The following SLC4A10 variants were observed in gnomAD, a reference collection of about 807,000 sequenced individuals.
The protein encoded by SLC4A10 is solute carrier family 4 member 10, also known as sodium-driven chloride bicarbonate exchanger.
In SLC4A10, 42 loss-of-function variants were observed where a neutral mutation model predicts 137.7. The ratio of observed to expected loss-of-function variants is 0.30; its 90% confidence interval spans 0.24 to 0.39. The LOEUF (loss-of-function observed/expected upper bound fraction) is 0.39, where lower values mean the gene tolerates loss of function less well. SLC4A10 is among the 10% of genes least tolerant of loss of function. SLC4A10 has a pLI of 1.00. For synonymous variants in SLC4A10, 474 were observed against 464.1 expected, an observed-to-expected ratio of 1.02 and a Z score of -0.27; for missense variants, 925 against 1,355.0, an observed-to-expected ratio of 0.68 and a Z score of 4.98.
chr2:161,949,884 G>C (rs983958599), intron 18 of SLC4A10, among the ~76,000 whole-genome samples: 12 of 151,756 alleles, frequency 7.9e-5, no homozygotes, highest in African/African-American at 2.9e-4. Context: ...CATGATGTGA[G>C]GTGTGAATTT....
rs1553629954 is a variant in SLC4A10, at chr2:161,930,904, T to TTTTTTTTTTG, written c.1998-11884_1998-11883insTTTTTGTTTT. 1.4e-4 allele frequency among the ~76,000 whole-genome samples: 20 copies of TTTTTTTTTTG among 148,060 alleles called. 1 individual carries two copies. Among genetic ancestry groups the TTTTTTTTTTG allele is most frequent in the Admixed American group, 1.0e-3 (15 of 14,852 alleles). On this transcript the variant is annotated intron_variant, in intron 15 of 26. Transcript: ENST00000446997. ...AATCTTCATCTCATTCTGCCACATG[T>TTTTTTTTTTG]TTTTGTTTTGTTTTGTTTTGTTTTG...
chr2:161,837,713 A>T (rs2058905948), intron 3 of SLC4A10, among the ~76,000 whole-genome samples: 1 of 152,218 alleles, frequency 6.6e-6, no homozygotes, highest in African/African-American at 2.4e-5. Flanking sequence ...TATAGTAATC[A>T]AAAAAGTGTG....
chr2:161,851,967 C>A (rs1476292075), intron 4 of SLC4A10, among the ~76,000 whole-genome samples: 1 of 152,098 alleles, frequency 6.6e-6, no homozygotes, highest in Non-Finnish European at 1.5e-5. Context: ...ATGGCTCACT[C>A]CAGCCTCGAT....
intron 1 of SLC4A10, among the ~76,000 whole-genome samples, chr2:161,672,144 T>G (rs2039798490): frequency 6.6e-6 from 1 of 152,146 alleles, no homozygotes; most frequent in Non-Finnish European, 1.5e-5. Flanking sequence ...ATCAGTTCAT[T>G]AAAGACCTGG....
chr2:161,742,501 G>A (rs1256899674), intron 1 of SLC4A10, among the ~76,000 whole-genome samples: 2 of 137,874 alleles, frequency 1.5e-5, no homozygotes, highest in East Asian at 2.2e-4. Flanking sequence ...GAGTGCAGTC[G>A]CTGATTTCGG....
intron 24 of SLC4A10, among the ~76,000 whole-genome samples, 190 bp downstream of exon 24, chr2:161,974,506 A>G (rs1349669162): frequency 6.6e-6 from 1 of 152,180 alleles, no homozygotes. Context: ...ACTATAATCA[A>G]ATTGCATTAA....
chr2:161,976,620 T>C, intron 24 of SLC4A10, 140 bp from the exon 25 acceptor site: 4 of 488,372 alleles, frequency 8.2e-6, no homozygotes, highest in Middle Eastern at 4.1e-4. Flanking sequence ...TTTTATGTTA[T>C]GTGTATTTTA....
At chr2:161,874,119 G>T in intron 8 of SLC4A10, 114 bp downstream of exon 8, 4 of 1,098,178 alleles carry the variant, frequency 3.6e-6, no homozygotes, top group Non-Finnish European at 5.2e-6. Context: ...GCCACTCTAA[G>T]AACTATCTTT....
chr2:161,976,174 A>C (rs1443505586), intron 24 of SLC4A10, among the ~76,000 whole-genome samples: 2 of 152,254 alleles, frequency 1.3e-5, no homozygotes, highest in Admixed American at 6.5e-5. Context: ...TGTTTTCAAT[A>C]ATTGAGAGAA....
intron 1 of SLC4A10, among the ~76,000 whole-genome samples, chr2:161,706,627 T>G (rs1666095141): frequency 6.6e-6 from 1 of 151,560 alleles, no homozygotes; most frequent in Admixed American, 6.6e-5. Flanking sequence ...TAAACCTGAT[T>G]ATGCTGACAG....
At chr2:161,826,810 A>G (rs1010981196) in intron 3 of SLC4A10, among the ~76,000 whole-genome samples, 8 of 152,226 alleles carry the variant, frequency 5.3e-5, no homozygotes, top group African/African-American at 1.9e-4. Context: ...TGATTATAAC[A>G]GTAATAAATG....
chr2:161,825,603 C>T (rs2057964667), intron 3 of SLC4A10, among the ~76,000 whole-genome samples: 1 of 152,150 alleles, frequency 6.6e-6, no homozygotes, highest in South Asian at 2.1e-4. Flanking sequence ...CTCCCCGCTC[C>T]CCTCTCATGT....
intron 15 of SLC4A10, among the ~76,000 whole-genome samples, chr2:161,928,743 C>T (rs1004378957): frequency 1.3e-5 from 2 of 148,564 alleles, no homozygotes; most frequent in Admixed American, 1.4e-4. Context: ...AGTTATCAAA[C>T]ATTTAGTTCC....
intron 2 of SLC4A10, among the ~76,000 whole-genome samples, chr2:161,777,517 T>C (rs2052498811): frequency 1.3e-5 from 2 of 152,086 alleles, no homozygotes; most frequent in African/African-American, 4.8e-5. Context: ...ATTGAGCAAT[T>C]TACAAAAGAA....
At chr2:161,983,131 G>T (rs1283757191) in intron 26 of SLC4A10, 48 bp from the exon 27 acceptor site, 5 of 1,500,598 alleles carry the variant, frequency 3.3e-6, no homozygotes, top group Non-Finnish European at 1.8e-6. Context: ...TGTCATAGTA[G>T]CCATGCTGGA....
At position 161,923,822 on chromosome 2, in the gene SLC4A10, A is replaced by G. The variant is rs1305426087; in HGVS notation, c.1997+17935A>G. 2.6e-5 allele frequency among the ~76,000 whole-genome samples: 4 copies of G among 152,124 alleles called. No homozygotes were observed. The East Asian group carries it at 7.7e-4, about 29-fold the overall frequency. On this transcript the variant is annotated intron_variant, in intron 15 of 26. Transcript: ENST00000446997. ...ACATGTACCCTAAAACTTAAAGTAT[A>G]ATAATAAAAAAAAGAAAAAAAAATA...
intron 1 of SLC4A10, among the ~76,000 whole-genome samples, chr2:161,696,893 A>G (rs1293770872): frequency 6.6e-6 from 1 of 152,166 alleles, no homozygotes; most frequent in East Asian, 1.9e-4. Flanking sequence ...TGTCTTCCAC[A>G]ATGGTTGAAC....
chr2:161,921,312 G>C (rs920169075), intron 15 of SLC4A10, among the ~76,000 whole-genome samples: 2 of 152,098 alleles, frequency 1.3e-5, no homozygotes, highest in Admixed American at 6.5e-5. Flanking sequence ...ATGGACCTCT[G>C]GGGACCAATT....
intron 3 of SLC4A10, among the ~76,000 whole-genome samples, chr2:161,805,909 T>G (rs2055897416): frequency 6.6e-6 from 1 of 152,204 alleles, no homozygotes; most frequent in Non-Finnish European, 1.5e-5. Context: ...GTGGGGGCTG[T>G]AACCCCACAT....
Sources: allele counts gnomAD v4.1 joint callset (sites outside exome capture counted in the v4.1 genomes callset), GRCh38; gene constraint gnomAD v4.1.1; transcripts MANE v1.5; gene names NCBI Gene and HGNC (gene_info 2026-07-23, HGNC 2026-07-21).